DYNLL1: variants seen among roughly 807,000 people sequenced by gnomAD.
DYNLL1 encodes the protein dynein light chain 1, cytoplasmic.
In DYNLL1, 3 loss-of-function variants were observed where a neutral mutation model predicts 10.1. The observed-to-expected ratio is 0.30, with a 90% CI of 0.14 to 0.77. The LOEUF is 0.77. Among genes scored for constraint, DYNLL1 ranks in the 30% least tolerant of loss-of-function variants. The pLI is 0.66. For missense variants in DYNLL1, 47 were observed against 111.7 expected (o/e 0.42, Z 2.61); for synonymous variants, 46 against 41.2 (o/e 1.12, Z -0.45).
chr12:120,475,121 A>C (rs930076066), intron 1 of DYNLL1, among the ~76,000 whole-genome samples: 14 of 152,128 alleles, frequency 9.2e-5, no homozygotes, highest in African/African-American at 3.1e-4. Context: ...GTATATTGTG[A>C]ATATAATTCC....
rs752653090 is a variant in DYNLL1, at chr12:120,496,613, C to T, written c.132+60C>T. 1.3e-5 allele frequency: 21 copies of T among 1,613,506 alleles called. No homozygotes were observed. The South Asian group carries it at 2.0e-4, about 15-fold the overall frequency. On this transcript the variant is annotated intron_variant, in intron 2 of 2. Coordinates refer to ENST00000242577, the MANE Select transcript of DYNLL1 (RefSeq NM_003746.3). ...GAGCAGGGGGTTCCTTCCCCCCGAT[C>T]CTGCTTTCCTAAGGGCGCCTGACAG...
chr12:120,482,922 A>T (rs1160226424), intron 1 of DYNLL1, among the ~76,000 whole-genome samples: 1 of 151,720 alleles, frequency 6.6e-6, no homozygotes, highest in East Asian at 2.0e-4. Flanking sequence ...TCTACAAAAA[A>T]GTAAAAATTT....
At chr12:120,474,301 G>A (rs1285651754) in intron 1 of DYNLL1, among the ~76,000 whole-genome samples, 1 of 152,066 alleles carries the variant, frequency 6.6e-6, no homozygotes, top group Non-Finnish European at 1.5e-5. Context: ...TCCTGTTACA[G>A]AAATGGGCTT....
chr12:120,471,634 G>A (rs1878653369), intron 1 of DYNLL1, among the ~76,000 whole-genome samples: 1 of 151,850 alleles, frequency 6.6e-6, no homozygotes, highest in Admixed American at 6.6e-5. Context: ...GTTTTGAGAC[G>A]GAGTCTTACA....
rs1252761065 is a variant in DYNLL1, at chr12:120,496,898, T to A, written c.132+345T>A. ...CGGAGGGGGGAGCTGCGTGGGTGTTTCCAGCCGGGCCGGGAGGAGATCTTG... is the reference window on the plus strand; with the variant it reads ...CGGAGGGGGGAGCTGCGTGGGTGTTACCAGCCGGGCCGGGAGGAGATCTTG... On this transcript the variant is annotated intron_variant, in intron 2 of 2. Transcript: ENST00000242577. 8 of 284,814 alleles carry A rather than the reference T, an allele frequency of 2.8e-5. No individual in the cohort carries two copies. The East Asian group carries it at 4.0e-4, about 14-fold the overall frequency. 17.6% of individuals were successfully genotyped at this position (284,814 alleles called of 1,614,324 possible). A position where few individuals can be genotyped will look rare whatever the true frequency, so the allele number is the denominator to read the frequency against.
At chr12:120,474,441 A>G (rs1878712923) in intron 1 of DYNLL1, among the ~76,000 whole-genome samples, 1 of 76,852 alleles carries the variant, frequency 1.3e-5, no homozygotes, top group Non-Finnish European at 2.5e-5. Flanking sequence ...AAAAAACAAC[A>G]TAAAAAAAAA....
intron 1 of DYNLL1, among the ~76,000 whole-genome samples, chr12:120,487,939 C>T (rs1413119161): frequency 6.6e-6 from 1 of 152,156 alleles, no homozygotes; most frequent in Non-Finnish European, 1.5e-5. Flanking sequence ...TGTTTTTCTT[C>T]TCCCTATGTT....
intron 2 of DYNLL1, 188 bp downstream of exon 2, chr12:120,496,741 GTTTTTTTTTTT>G: frequency 3.4e-6 from 2 of 582,238 alleles, no homozygotes; most frequent in Non-Finnish European, 5.7e-6. Flanking sequence ...GGCGTCCGAA[GTTTTTTTTTTT>G]TTTTTTTTAA....
At chr12:120,490,878 T>C (rs1235877279) in intron 1 of DYNLL1, 1 of 152,174 alleles carries the variant, frequency 6.6e-6, no homozygotes, top group Non-Finnish European at 1.5e-5. Context: ...TGATAAGTGG[T>C]AGCTAGCATC....
At chr12:120,470,535 C>T (rs1244424843) in intron 1 of DYNLL1, among the ~76,000 whole-genome samples, 1 of 152,144 alleles carries the variant, frequency 6.6e-6, no homozygotes, top group Non-Finnish European at 1.5e-5. Context: ...GGCGCGAACA[C>T]GGCTCACTGC....
chr12:120,488,261 T>C (rs781651343), intron 1 of DYNLL1: 24 of 152,264 alleles, frequency 1.6e-4, no homozygotes, highest in Non-Finnish European at 2.9e-4. Context: ...TCAGCCAGCC[T>C]CCTTCCAGCT....
chr12:120,481,468 A>G (rs779468406), intron 1 of DYNLL1, among the ~76,000 whole-genome samples: 1 of 152,172 alleles, frequency 6.6e-6, no homozygotes, highest in Non-Finnish European at 1.5e-5. Flanking sequence ...CTTCAGGTTC[A>G]ATAATTTACT....
intron 1 of DYNLL1, among the ~76,000 whole-genome samples, chr12:120,480,785 G>T (rs1229526504): frequency 6.8e-6 from 1 of 147,136 alleles, no homozygotes; most frequent in East Asian, 2.0e-4. Context: ...TTTTTGAGAC[G>T]GAGTCTCGCT....
Position 120,496,428 on chromosome 12 carries a change from G to A in DYNLL1, c.7G>A (p.Asp3Asn). ...CCTTGCCCACTAGGTAACCATGTGC[G>A]ACCGAAAGGCCGTGATCAAAAATGC... MC[D>N]RKAVIKNADM... Residue 3 changes from aspartate to asparagine, a missense_variant, in exon 2 of 3, where the codon GAC becomes AAC. Asp to Asn is a conservative substitution (Grantham distance 23). Transcript: ENST00000242577. 6.2e-7 allele frequency: 1 copy of A among 1,614,100 alleles called. No homozygotes were observed. Among genetic ancestry groups the A allele is most frequent in the Non-Finnish European group, 8.5e-7 (1 of 1,180,014 alleles).
At chr12:120,494,519 AC>A (rs1292971055), upstream of DYNLL1, among the ~76,000 whole-genome samples, 2 of 150,836 alleles carry the variant, frequency 1.3e-5, no homozygotes, top group Non-Finnish European at 3.0e-5. Flanking sequence ...CAGGTCATCC[AC>A]CCGCCTCGGC....
intron 1 of DYNLL1, among the ~76,000 whole-genome samples, chr12:120,486,932 T>G (rs1879006995): frequency 6.6e-6 from 1 of 152,056 alleles, no homozygotes; most frequent in South Asian, 2.1e-4. Context: ...GTTGTGGGAT[T>G]CAGGAGGATG....
intron 2 of DYNLL1, chr12:120,496,913 A>G (rs1593008483): frequency 4.8e-6 from 1 of 206,438 alleles, no homozygotes; most frequent in Non-Finnish European, 9.1e-6. Flanking sequence ...CCGGGCCGGG[A>G]GGAGATCTTG....
intron 1 of DYNLL1, among the ~76,000 whole-genome samples, chr12:120,478,425 A>T (rs1407268517): frequency 8.8e-5 from 13 of 148,368 alleles, no homozygotes; most frequent in African/African-American, 2.7e-4. Flanking sequence ...TTTTTTTTTT[A>T]AATAGAGACA....
intron 1 of DYNLL1, among the ~76,000 whole-genome samples, chr12:120,488,416 T>A (rs1879044301): frequency 6.6e-6 from 1 of 152,090 alleles, no homozygotes; most frequent in Non-Finnish European, 1.5e-5. Flanking sequence ...GAGCCCCCAT[T>A]AACAGCTCTC....
Sources: allele counts gnomAD v4.1 joint callset (sites outside exome capture counted in the v4.1 genomes callset), GRCh38; gene constraint gnomAD v4.1.1; transcripts MANE v1.5; gene names NCBI Gene and HGNC (gene_info 2026-07-23, HGNC 2026-07-21).